Variants in WWOX observed in about 807,000 individuals in gnomAD.
WWOX encodes the protein WW domain-containing oxidoreductase.
Under a neutral mutation model 46.2 loss-of-function variants are expected in WWOX, and 69 were observed. The ratio of observed to expected loss-of-function variants is 1.49; its 90% CI spans 1.23 to 1.82. The LOEUF is 1.82. Among genes scored for constraint, WWOX ranks in the 40% most tolerant of loss-of-function variants. The pLI is 0.00. For synonymous variants in WWOX, 359 were observed against 202.6 expected (o/e 1.77, Z -6.56); for missense variants, 919 against 542.6 (o/e 1.69, Z -6.89).
chr16:78,931,243 G>C (rs575010579), intron 8 of WWOX, among the ~76,000 whole-genome samples: 217 of 152,296 alleles, frequency 1.4e-3, no homozygotes, highest in Non-Finnish European at 1.7e-3. Context: ...GCTGTGTGGG[G>C]AGGGATAATG....
chr16:78,646,591 C>A (rs1421683729), intron 8 of WWOX, among the ~76,000 whole-genome samples: 1 of 152,058 alleles, frequency 6.6e-6, no homozygotes, highest in Non-Finnish European at 1.5e-5. Context: ...CTACTCCCGG[C>A]TAATTTTTGT....
intron 6 of WWOX, among the ~76,000 whole-genome samples, chr16:78,423,326 G>C (rs1343693798): frequency 6.6e-6 from 1 of 151,970 alleles, no homozygotes; most frequent in Non-Finnish European, 1.5e-5. Context: ...ATTTGTTTAT[G>C]ATTTTAATGG....
At chr16:78,858,336 G>GTC (rs1350173431) in intron 8 of WWOX, among the ~76,000 whole-genome samples, 1 of 151,680 alleles carries the variant, frequency 6.6e-6, no homozygotes, top group Non-Finnish European at 1.5e-5. Context: ...ATATATGTGT[G>GTC]TGTGTGTGTG....
chr16:78,380,405 T>C (rs1234511236), intron 5 of WWOX, among the ~76,000 whole-genome samples: 2 of 152,196 alleles, frequency 1.3e-5, no homozygotes, highest in African/African-American at 4.8e-5. Context: ...GACTGCACCC[T>C]GCGAAGATGC....
At chr16:78,500,131 G>C (rs2085023928) in intron 8 of WWOX, among the ~76,000 whole-genome samples, 1 of 152,182 alleles carries the variant, frequency 6.6e-6, no homozygotes, top group African/African-American at 2.4e-5. Context: ...TAATGCATGA[G>C]CTCATTTTGA....
At chr16:78,713,440 C>T (rs1014535568) in intron 8 of WWOX, among the ~76,000 whole-genome samples, 1 of 152,012 alleles carries the variant, frequency 6.6e-6, no homozygotes, top group African/African-American at 2.4e-5. Context: ...AATTATGTGT[C>T]CCCAAAATTC....
At chr16:78,294,562 C>T (rs978588992) in intron 5 of WWOX, among the ~76,000 whole-genome samples, 6 of 152,144 alleles carry the variant, frequency 3.9e-5, no homozygotes, top group African/African-American at 1.4e-4. Context: ...ACTCTTACCT[C>T]ATTCTATCAT....
intron 8 of WWOX, among the ~76,000 whole-genome samples, chr16:79,128,381 A>G (rs2049804692): frequency 6.6e-6 from 1 of 151,280 alleles, no homozygotes; most frequent in East Asian, 1.9e-4. Context: ...ACAAAAAACA[A>G]AAAACAAAAA....
intron 8 of WWOX, among the ~76,000 whole-genome samples, chr16:78,800,244 T>C (rs1272582935): frequency 1.5e-5 from 2 of 136,100 alleles, no homozygotes; most frequent in Non-Finnish European, 3.3e-5. Context: ...CATTGTTCCA[T>C]GGCAAAAAAA....
intron 8 of WWOX, among the ~76,000 whole-genome samples, chr16:78,462,801 T>A (rs1196368602): frequency 1.3e-5 from 2 of 152,218 alleles, no homozygotes. Flanking sequence ...CTTGATTAGC[T>A]CTGAGAAACG....
intron 8 of WWOX, among the ~76,000 whole-genome samples, chr16:78,770,559 G>A (rs12716860): frequency 6.6e-6 from 1 of 152,048 alleles, no homozygotes; most frequent in East Asian, 2.0e-4. Context: ...CTGGGAAACC[G>A]CTCTCTGTGG....
At chr16:79,101,370 A>T (rs186558787) in intron 8 of WWOX, 1 of 152,216 alleles carries the variant, frequency 6.6e-6, no homozygotes, top group Non-Finnish European at 1.5e-5. Context: ...AGGATTTAAC[A>T]CGTCAGGTAA....
intron 5 of WWOX, among the ~76,000 whole-genome samples, chr16:78,335,956 G>T (rs1433339831): frequency 1.3e-5 from 2 of 152,084 alleles, no homozygotes; most frequent in African/African-American, 4.8e-5. Flanking sequence ...GCCGGGTGTA[G>T]TGGTGCACAC....
intron 4 of WWOX, among the ~76,000 whole-genome samples, chr16:78,148,455 T>C (rs1187501807): frequency 6.6e-6 from 1 of 152,218 alleles, no homozygotes; most frequent in Non-Finnish European, 1.5e-5. Context: ...AAAAGAGCTG[T>C]GTCTTCTTGA....
At chr16:78,450,829 A>T (rs1311804317) in intron 8 of WWOX, among the ~76,000 whole-genome samples, 2 of 152,214 alleles carry the variant, frequency 1.3e-5, no homozygotes, top group African/African-American at 4.8e-5. Context: ...TCTAAGAAAG[A>T]TCATAAGAAG....
intron 8 of WWOX, among the ~76,000 whole-genome samples, chr16:79,067,503 T>G (rs1328205539): frequency 6.6e-6 from 1 of 151,908 alleles, no homozygotes; most frequent in Non-Finnish European, 1.5e-5. Context: ...CCTTTACCCT[T>G]TATAGTGTCT....
At chr16:78,150,571 C>G (rs1433351273) in intron 4 of WWOX, among the ~76,000 whole-genome samples, 1 of 152,100 alleles carries the variant, frequency 6.6e-6, no homozygotes, top group African/African-American at 2.4e-5. Context: ...TTATTAGAGA[C>G]GAGGTCTCAA....
chr16:79,012,669 T>G (rs2047335013), intron 8 of WWOX, among the ~76,000 whole-genome samples: 2 of 152,150 alleles, frequency 1.3e-5, no homozygotes, highest in Admixed American at 1.3e-4. Flanking sequence ...GGAACAAATA[T>G]CCAGGCAGAA....
intron 8 of WWOX, among the ~76,000 whole-genome samples, chr16:78,821,045 C>G (rs964470917): frequency 2.6e-5 from 4 of 152,118 alleles, no homozygotes; most frequent in Admixed American, 1.3e-4. Context: ...TTGCAAAGAC[C>G]CTGTTTCCAA....
Sources: gnomAD v4.1 joint callset for allele counts (sites outside exome capture counted in the v4.1 genomes callset) on GRCh38, gnomAD v4.1.1 for gene constraint, MANE v1.5 for transcripts, NCBI Gene and HGNC (gene_info 2026-07-23, HGNC 2026-07-21) for gene names.